Variants in MACF1 observed in about 807,000 individuals in gnomAD.
MACF1 encodes microtubule-actin cross-linking factor 1.
In MACF1, 193 loss-of-function variants were observed where a neutral mutation model predicts 854.8. That is an observed-to-expected ratio of 0.23 (90% confidence interval 0.20 to 0.25). The LOEUF (loss-of-function observed/expected upper bound fraction) is 0.25. Ranked by LOEUF, MACF1 falls within the 10% of genes least tolerant of loss-of-function variation. The pLI is 1.00. For missense variants in MACF1, 7,722 were observed against 8,929.1 expected (o/e 0.86, Z 5.45); for synonymous variants, 3,185 against 3,226.7 (o/e 0.99, Z 0.44).
chr1:39,446,218 G>A (rs1020747766), intron 80 of MACF1, among the ~76,000 whole-genome samples: 17 of 152,070 alleles, frequency 1.1e-4, no homozygotes, highest in Non-Finnish European at 7.4e-5. Context: ...TATTAAATGT[G>A]TGTGGTGCTG....
intron 21 of MACF1, chr1:39,299,406 G>T: frequency 2.8e-6 from 1 of 351,440 alleles, no homozygotes; most frequent in Non-Finnish European, 5.6e-6. Flanking sequence ...CCTCAAAATG[G>T]GCTTGAAACA....
chr1:39,191,619 G>A (rs546027451), intron 2 of MACF1, among the ~76,000 whole-genome samples: 15 of 152,230 alleles, frequency 9.9e-5, no homozygotes, highest in Non-Finnish European at 1.9e-4. Flanking sequence ...CATCAGGGCT[G>A]TGCCACAGGG....
At chr1:39,209,539 G>A (rs558643726) in intron 1 of MACF1, among the ~76,000 whole-genome samples, 5 of 152,138 alleles carry the variant, frequency 3.3e-5, no homozygotes, top group South Asian at 2.1e-4. Context: ...AGTTCTCTCC[G>A]TTTTCAGCAT....
At chr1:39,127,868 A>C (rs867125047) in intron 2 of MACF1, among the ~76,000 whole-genome samples, 21 of 152,186 alleles carry the variant, frequency 1.4e-4, no homozygotes, top group African/African-American at 5.1e-4. Context: ...AAAATGTCCT[A>C]GTGATTAAGA....
rs1644109746 is a variant in MACF1 at position 39,441,219 on chromosome 1, C to T, written c.18571-5C>T. 1.9e-6 allele frequency: 3 copies of T among 1,613,778 alleles called. No homozygotes were observed. Among genetic ancestry groups the T allele is most frequent in the East Asian group, 4.5e-5 (2 of 44,888 alleles). Reference sequence around the variant, plus strand: ...GAAGAATCTGATTGAATGTTTTTCCCCTAGATGAATAATGCTTGGGAGAAC... The same window carrying T: ...GAAGAATCTGATTGAATGTTTTTCCTCTAGATGAATAATGCTTGGGAGAAC... On this transcript the variant is annotated splice_region_variant and splice_polypyrimidine_tract_variant and intron_variant, in intron 73 of 100. Transcript: ENST00000564288.
rs1477599285 is a variant in MACF1 at position 39,317,325 on chromosome 1, A to C, written c.3700A>C (p.Asn1234His). ...GATGAGTCGTCTGACACCAGAGCGA[A>C]ATCTGGATTTGGAGCGCTATCAGGA... ...EQMSRLTPERNLDLERYQEKG... is the reference protein window; with the variant it reads ...EQMSRLTPERHLDLERYQEKG... The change falls in exon 29 of 101, where the codon AAT becomes CAT. Residue 1234 changes from asparagine (N) to histidine (H), a missense_variant. By Grantham distance (68) the Asn-to-His change is moderately conservative. Coordinates refer to ENST00000564288, the MANE Select transcript of MACF1 (RefSeq NM_001394062.1). The C allele has an allele frequency of 6.2e-7, 1 of 1,613,996 alleles. No homozygotes were observed. Among genetic ancestry groups the C allele is most frequent in the South Asian group, 1.1e-5 (1 of 91,068 alleles).
At chr1:39,306,915 G>A (rs1646193030) in intron 23 of MACF1, among the ~76,000 whole-genome samples, 1 of 150,674 alleles carries the variant, frequency 6.6e-6, no homozygotes, top group African/African-American at 2.4e-5. Flanking sequence ...TTGCTGTGTT[G>A]CCCAGGCTGG....
rs994846407 is a variant in MACF1 at position 39,105,179 on chromosome 1, G to A, written c.220+20741G>A. 5.9e-5 allele frequency among the ~76,000 whole-genome samples: 9 copies of A among 151,734 alleles called. No homozygotes were observed. The highest frequency in any genetic ancestry group is 1.2e-4 in the Non-Finnish European group (8 of 67,886). On this transcript the variant is annotated intron_variant, in intron 2 of 93. Coordinates refer to the MACF1 transcript ENST00000361689. This position sits in a 1 kb window ranked among gnomAD's most constrained non-coding sequence, Gnocchi z 5.9. ...GCTCGGGCCCCAGTCCGGGCCGGGC[G>A]GGGGTCGGCAGCCCCTGGGGGACCC...
chr1:39,310,852 C>T lies in MACF1; in HGVS notation c.3122C>T (p.Ala1041Val). The change falls in exon 26 of 101, where the codon GCC (alanine) becomes GTC (valine). Residue 1041 changes from alanine (A) to valine (V), a missense_variant. Ala to Val is a moderately conservative substitution (Grantham distance 64). Transcript: ENST00000564288. ...ACAGAGGACAAAGAGGAGACTGTGG[C>T]CAAGATGTACATTTCAGAGTTGAAG... ...MENEDKEETV[A>V]KMYISELKNI... 6.2e-7 allele frequency: 1 copy of T among 1,612,532 alleles called. No homozygotes were observed. Among genetic ancestry groups the T allele is most frequent in the Non-Finnish European group, 8.5e-7 (1 of 1,179,330 alleles).
At chr1:39,341,704 A>T (rs1038704495) in intron 40 of MACF1, among the ~76,000 whole-genome samples, 5 of 151,570 alleles carry the variant, frequency 3.3e-5, no homozygotes, top group East Asian at 2.0e-4. Context: ...GTCTTAAAAT[A>T]AAAAAAATCA....
intron 67 of MACF1, among the ~76,000 whole-genome samples, 192 bp downstream of exon 67, chr1:39,432,846 A>G (rs898831667): frequency 6.6e-6 from 1 of 152,206 alleles, no homozygotes; most frequent in African/African-American, 2.4e-5. Context: ...AAATAGGCCC[A>G]TTAATCCATA....
At chr1:39,457,924 C>A (rs1644472949) in intron 89 of MACF1, 1 of 155,734 alleles carries the variant, frequency 6.4e-6, no homozygotes, top group Non-Finnish European at 1.4e-5. Flanking sequence ...GTGCCAATAT[C>A]TGCTTCTGGT....
chr1:39,439,166 T>A (rs529552258), intron 71 of MACF1, 108 bp from the exon 72 acceptor site: 148 of 573,324 alleles, frequency 2.6e-4, no homozygotes, highest in East Asian at 4.5e-4. Context: ...AGCATTTTTT[T>A]AAAAAATAGT....
chr1:39,167,165 T>C (rs1643890501), intron 2 of MACF1, among the ~76,000 whole-genome samples: 1 of 151,736 alleles, frequency 6.6e-6, no homozygotes, highest in Non-Finnish European at 1.5e-5. Context: ...TCTTGCCATG[T>C]TGGCCAGGCT....
At chr1:39,381,362 T>G (rs1650184084) in intron 55 of MACF1, among the ~76,000 whole-genome samples, 1 of 139,224 alleles carries the variant, frequency 7.2e-6, no homozygotes, top group Admixed American at 7.2e-5. Flanking sequence ...TGGCCTTTTT[T>G]TTTTTTTTTT....
chr1:39,366,932 C>A (rs1007801204), intron 49 of MACF1, among the ~76,000 whole-genome samples: 1 of 144,202 alleles, frequency 6.9e-6, no homozygotes, highest in African/African-American at 2.6e-5. Flanking sequence ...GAATGAGCCA[C>A]CATGCCTGGC....
In MACF1 at chr1:39,285,011, T is replaced by C; in HGVS notation, c.1132-72T>C. The C allele has an allele frequency of 1.9e-6, 3 of 1,575,312 alleles. No individual in the cohort carries two copies. The Admixed American group carries it at 5.3e-5, about 28-fold the overall frequency. ...CTGGGTAAAGAAGCAAGAAGTGATG[T>C]GCAAATAATAAATCAAAACTGGGAC... On this transcript the variant is annotated intron_variant, in intron 11 of 100. Transcript: ENST00000564288.
At chr1:39,137,369 CTTTT>C (rs1428250205) in intron 2 of MACF1, among the ~76,000 whole-genome samples, 1 of 152,122 alleles carries the variant, frequency 6.6e-6, no homozygotes, top group African/African-American at 2.4e-5. Flanking sequence ...CATACCCAGT[CTTTT>C]TTTATTTTTT....
At chr1:39,131,040 C>T (rs1253094091) in intron 2 of MACF1, among the ~76,000 whole-genome samples, 3 of 150,516 alleles carry the variant, frequency 2.0e-5, no homozygotes, top group African/African-American at 4.9e-5. Flanking sequence ...CCAGTAGAAA[C>T]GGGGTTTCAC....
Sources: gnomAD v4.1 joint callset for allele counts (sites outside exome capture counted in the v4.1 genomes callset) on GRCh38, gnomAD v4.1.1 for gene constraint, Gnocchi (gnomAD v3.1) non-coding constraint, MANE v1.5 for transcripts, NCBI Gene and HGNC (gene_info 2026-07-23, HGNC 2026-07-21) for gene names.